Variants in PRKG1 observed in about 807,000 individuals in gnomAD.
The protein encoded by PRKG1 is protein kinase cGMP-dependent 1.
A neutral mutation model predicts 88.1 loss-of-function variants in PRKG1; 35 were observed. That is an observed-to-expected ratio of 0.40 (90% CI 0.30 to 0.53). The LOEUF is 0.53. Among genes scored for constraint, PRKG1 ranks in the 20% least tolerant of loss-of-function variants. The pLI, the probability that PRKG1 is intolerant of heterozygous loss-of-function variation, is 0.59. For missense variants in PRKG1, 540 were observed against 839.8 expected (o/e 0.64, Z 4.41); for synonymous variants, 303 against 292.5 (o/e 1.04, Z -0.37).
intron 3 of PRKG1, among the ~76,000 whole-genome samples, chr10:51,506,397 A>G (rs1317149868): frequency 3.3e-5 from 5 of 152,114 alleles, no homozygotes; most frequent in Non-Finnish European, 5.9e-5. Context: ...AATTTTTGCA[A>G]TCTACTCATC....
At chr10:51,592,442 T>C (rs1838334800) in intron 3 of PRKG1, among the ~76,000 whole-genome samples, 1 of 152,140 alleles carries the variant, frequency 6.6e-6, no homozygotes, top group Admixed American at 6.5e-5. Context: ...GTGCTCCACT[T>C]TGCTTGTGCT....
intron 5 of PRKG1, among the ~76,000 whole-genome samples, chr10:51,940,528 C>A (rs1341894891): frequency 6.6e-6 from 1 of 151,836 alleles, no homozygotes; most frequent in African/African-American, 2.4e-5. Context: ...GATGGCTATA[C>A]TGGTTTTTCA....
At chr10:51,230,559 G>T (rs1217829808) in intron 2 of PRKG1, among the ~76,000 whole-genome samples, 1 of 152,138 alleles carries the variant, frequency 6.6e-6, no homozygotes, top group Non-Finnish European at 1.5e-5. Context: ...GTTAAATTCA[G>T]TTGTCCCTTA....
chr10:51,576,687 G>A (rs1029754534), intron 3 of PRKG1, among the ~76,000 whole-genome samples: 2 of 151,866 alleles, frequency 1.3e-5, no homozygotes. Context: ...AGGTAAGAGA[G>A]CAATATCCCA....
At chr10:51,670,846 C>T (rs1348012146) in intron 3 of PRKG1, among the ~76,000 whole-genome samples, 1 of 151,812 alleles carries the variant, frequency 6.6e-6, no homozygotes, top group East Asian at 1.9e-4. Flanking sequence ...GTATTTTTAT[C>T]CTACTCCTGA....
chr10:51,433,344 A>G (rs1185854101), intron 2 of PRKG1, among the ~76,000 whole-genome samples: 1 of 152,120 alleles, frequency 6.6e-6, no homozygotes. Context: ...CAGATGAAAC[A>G]TGCTGTGCAT....
chr10:52,058,477 C>T (rs575270986), intron 6 of PRKG1, among the ~76,000 whole-genome samples: 1 of 151,836 alleles, frequency 6.6e-6, no homozygotes, highest in Admixed American at 6.6e-5. Context: ...ATGTTCTTGC[C>T]CTGATAAGTG....
chr10:51,931,134 A>G (rs560002702), intron 5 of PRKG1, among the ~76,000 whole-genome samples: 1 of 152,268 alleles, frequency 6.6e-6, no homozygotes, highest in Non-Finnish European at 1.5e-5. Flanking sequence ...TAATTGGTCC[A>G]TTATGGAACT....
chr10:51,976,811 C>T (rs1266771117), intron 5 of PRKG1, among the ~76,000 whole-genome samples: 3 of 151,908 alleles, frequency 2.0e-5, no homozygotes, highest in Admixed American at 6.6e-5. Context: ...ATAGACAACT[C>T]ATTAGGAAAA....
chr10:51,025,138 T>C (rs1257296420), intron 1 of PRKG1, among the ~76,000 whole-genome samples: 1 of 152,200 alleles, frequency 6.6e-6, no homozygotes, highest in Non-Finnish European at 1.5e-5. Context: ...AGATGAAATC[T>C]TGTGCAGATA....
chr10:51,202,220 C>T, intron 2 of PRKG1, among the ~76,000 whole-genome samples: 1 of 152,202 alleles, frequency 6.6e-6, no homozygotes, highest in Admixed American at 6.5e-5. Context: ...GGAAGTTATA[C>T]TCCTCTACAC....
At chr10:51,826,736 A>G (rs1019083159) in intron 4 of PRKG1, among the ~76,000 whole-genome samples, 1 of 152,164 alleles carries the variant, frequency 6.6e-6, no homozygotes, top group African/African-American at 2.4e-5. Context: ...GTAAAGAACA[A>G]AGGAGAAAGG....
At chr10:51,737,620 A>G (rs1837312558) in intron 3 of PRKG1, among the ~76,000 whole-genome samples, 1 of 152,076 alleles carries the variant, frequency 6.6e-6, no homozygotes, top group Non-Finnish European at 1.5e-5. Context: ...AGTCATCTAC[A>G]GAGCTATTAG....
rs1837446978 is a variant in PRKG1 at position 51,741,997 on chromosome 10, A to G, written c.593-62588A>G. Among the ~76,000 whole-genome samples the G allele has an allele frequency of 3.3e-5, 5 of 152,234 alleles. No homozygotes were observed. The South Asian group carries it at 1.0e-3, about 31-fold the overall frequency. ...CTAAAGTTATAAGTAGACTGGCTTT[A>G]GTAAACACATAGGTAGAAGTTTTCG... On this transcript the variant is annotated intron_variant, in intron 3 of 17. Transcript: ENST00000373980.
At position 52,290,261 on chromosome 10, in the gene PRKG1, G is replaced by C. The variant is rs1842210424; in HGVS notation, c.1933G>C (p.Gly645Arg). ...CTTTAACTGGGAAGGCTTAAGAAAA[G>C]GTACCTTGACACCTCCTATAATACC... ...EGFNWEGLRK[G>R]TLTPPIIPSV... The change falls in exon 17 of 18, where the codon GGT becomes CGT. Residue 645 changes from glycine (G) to arginine (R), a missense_variant. Gly to Arg is a moderately radical substitution (Grantham distance 125). Coordinates refer to ENST00000373980, the MANE Select transcript of PRKG1 (RefSeq NM_006258.4). 5 of 1,612,830 alleles carry C rather than the reference G, an allele frequency of 3.1e-6. No homozygotes were observed. The highest frequency in any genetic ancestry group is 1.3e-5 in the African/African-American group (1 of 74,812).
At chr10:51,441,504 C>T (rs2132748672) in intron 2 of PRKG1, among the ~76,000 whole-genome samples, 1 of 152,052 alleles carries the variant, frequency 6.6e-6, no homozygotes, top group South Asian at 2.1e-4. Context: ...TCACTGGCTG[C>T]CCTGATGGCA....
At chr10:52,016,134 C>A (rs1845034439) in intron 5 of PRKG1, among the ~76,000 whole-genome samples, 1 of 152,178 alleles carries the variant, frequency 6.6e-6, no homozygotes, top group Non-Finnish European at 1.5e-5. Flanking sequence ...CCTACTCTGT[C>A]AGTACCAATT....
intron 3 of PRKG1, among the ~76,000 whole-genome samples, chr10:51,763,083 G>A (rs1447681373): frequency 1.3e-5 from 2 of 152,048 alleles, no homozygotes; most frequent in African/African-American, 4.8e-5. Context: ...TAGGAAGAAG[G>A]TTATAATCTA....
At chr10:51,944,084 T>G (rs189367243) in intron 5 of PRKG1, among the ~76,000 whole-genome samples, 3,609 of 152,098 alleles carry the variant, frequency 0.024, 168 homozygotes, top group African/African-American at 0.079. Context: ...CATCTGGTCC[T>G]GGACTCTTTT....
Sources: gnomAD v4.1 joint callset for allele counts (sites outside exome capture counted in the v4.1 genomes callset) on GRCh38, gnomAD v4.1.1 for gene constraint, MANE v1.5 for transcripts, NCBI Gene and HGNC (gene_info 2026-07-23, HGNC 2026-07-21) for gene names.